The following HMCN1 variants were observed in gnomAD, a reference collection of about 807,000 sequenced individuals.
HMCN1 encodes the protein hemicentin-1.
Under a neutral mutation model 625.9 loss-of-function variants are expected in HMCN1, and 321 were observed. The ratio of observed to expected loss-of-function variants is 0.51; its 90% confidence interval spans 0.47 to 0.56. HMCN1 has a LOEUF of 0.56. Among genes scored for constraint, HMCN1 ranks in the 20% least tolerant of loss-of-function variants. The pLI is 0.00. For synonymous variants in HMCN1, 2,425 were observed against 2,417.6 expected, an observed-to-expected ratio of 1.00 and a Z score of -0.09; for missense variants, 6,588 against 6,887.3, an observed-to-expected ratio of 0.96 and a Z score of 1.54.
Position 186,070,647 on chromosome 1 carries a change from C to T in HMCN1, c.8029C>T (p.Pro2677Ser), listed in dbSNP as rs766403122. The change falls in exon 52 of 107, where the codon CCA (proline) becomes TCA (serine). Residue 2677 changes from proline (P) to serine (S), a missense_variant. By Grantham distance (74) the Pro-to-Ser change is moderately conservative (BLOSUM62 -1). This residue lies in a region of HMCN1 where 4,628 missense variants were observed against 4,853.1 expected (regional missense o/e 0.95). Coordinates refer to ENST00000271588, the MANE Select transcript of HMCN1 (RefSeq NM_031935.3). ...PIINKGDLWG[P>S]GLSPKEVKIK... ...AATCAATAAAGGGGACCTTTGGGGG[C>T]CAGGTCTTTCCCCTAAAGAAGTGAA... is the stretch of plus-strand genomic sequence containing the variant. The T allele has an allele frequency of 4.3e-6, 7 of 1,612,566 alleles. No homozygotes were observed. The East Asian group carries it at 1.6e-4, about 36-fold the overall frequency.
At chr1:185,791,968 G>T (rs988818859) in intron 1 of HMCN1, among the ~76,000 whole-genome samples, 1 of 152,120 alleles carries the variant, frequency 6.6e-6, no homozygotes. Context: ...TGGGTAGATG[G>T]ATTAATTTAA....
chr1:186,132,696 G>A (rs1025061661), intron 86 of HMCN1, among the ~76,000 whole-genome samples: 4 of 151,428 alleles, frequency 2.6e-5, no homozygotes, highest in African/African-American at 4.9e-5. Context: ...TGTGCACAAC[G>A]TGCAGGTTAG....
At chr1:186,098,986 T>C (rs1660269257) in intron 68 of HMCN1, among the ~76,000 whole-genome samples, 1 of 151,960 alleles carries the variant, frequency 6.6e-6, no homozygotes, top group African/African-American at 2.4e-5. Flanking sequence ...CTCATAGAAG[T>C]AGTGAATAGG....
intron 4 of HMCN1, among the ~76,000 whole-genome samples, chr1:185,880,980 C>G (rs1018814014): frequency 1.3e-5 from 2 of 152,220 alleles, no homozygotes; most frequent in African/African-American, 4.8e-5. Flanking sequence ...TTTTGGGCAC[C>G]AGCAGGAGCA....
At chr1:185,833,876 C>T (rs1372280590) in intron 1 of HMCN1, among the ~76,000 whole-genome samples, 1 of 152,092 alleles carries the variant, frequency 6.6e-6, no homozygotes, top group Admixed American at 6.6e-5. Context: ...ATGTTAGCCT[C>T]TTCTAAAGTT....
chr1:185,823,557 G>A (rs1407764934), intron 1 of HMCN1, among the ~76,000 whole-genome samples: 1 of 152,112 alleles, frequency 6.6e-6, no homozygotes. Flanking sequence ...TGACAAAGAT[G>A]CTTATTTTCA....
At chr1:185,856,964 C>T (rs1425464476) in intron 2 of HMCN1, among the ~76,000 whole-genome samples, 1 of 152,072 alleles carries the variant, frequency 6.6e-6, no homozygotes, top group African/African-American at 2.4e-5. Context: ...TTTTCCAACT[C>T]CTCTCACAGT....
Position 185,864,436 on chromosome 1 carries a change from A to G in HMCN1, c.340-34A>G, listed in dbSNP as rs199987547. 1.9e-6 allele frequency: 3 copies of G among 1,605,406 alleles called. No individual in the cohort carries two copies. The East Asian group carries it at 6.7e-5, about 36-fold the overall frequency. On this transcript the variant is annotated intron_variant, in intron 2 of 106. Coordinates refer to ENST00000271588, the MANE Select transcript of HMCN1 (RefSeq NM_031935.3). ...CCAAAATATTCAATTGTTTTTGATG[A>G]TGACGTAATTGAATTTTTCTCTCCA...
intron 16 of HMCN1, 38 bp from the exon 17 acceptor site, chr1:185,980,940 A>G (rs749306190): frequency 1.9e-5 from 22 of 1,173,378 alleles, no homozygotes; most frequent in Middle Eastern, 3.8e-4. Context: ...AATTCTCCAT[A>G]GATGGTATTG....
intron 15 of HMCN1, among the ~76,000 whole-genome samples, chr1:185,975,737 A>C (rs1446570960): frequency 1.3e-5 from 2 of 152,192 alleles, no homozygotes; most frequent in East Asian, 3.8e-4. Flanking sequence ...ACACTGATAC[A>C]CGATTTATTT....
chr1:186,159,227 C>G (rs535442335), intron 97 of HMCN1, among the ~76,000 whole-genome samples: 60 of 151,782 alleles, frequency 4.0e-4, no homozygotes, highest in African/African-American at 1.3e-3. Flanking sequence ...ATTTGGCTCT[C>G]TGTCTGTTAT....
intron 21 of HMCN1, 146 bp downstream of exon 21, chr1:185,989,793 T>TA (rs1553270509): frequency 3.9e-5 from 28 of 715,950 alleles, no homozygotes; most frequent in Non-Finnish European, 6.2e-5. Context: ...TTTTTTTTTT[T>TA]ACAGAAATGC....
chr1:185,795,955 A>T (rs543954473), intron 1 of HMCN1, among the ~76,000 whole-genome samples: 1 of 152,202 alleles, frequency 6.6e-6, no homozygotes, highest in African/African-American at 2.4e-5. Flanking sequence ...TTATTTTTTT[A>T]ATTTTATTTT....
intron 1 of HMCN1, among the ~76,000 whole-genome samples, chr1:185,806,443 A>C (rs1464530952): frequency 2.0e-5 from 3 of 150,650 alleles, no homozygotes. Flanking sequence ...GCTACTCAGG[A>C]GGCTGAGGTA....
rs978248177 is a variant in HMCN1, at chr1:185,891,823, C to T, written c.622-17514C>T. On this transcript the variant is annotated intron_variant, in intron 4 of 106. Transcript: ENST00000271588. ...CTCTTCTCGAGGAGTATCTTTGTGG[C>T]GTTCTCTCTATTTCCTGAATCTGAA... Among the ~76,000 whole-genome samples, 9 of 147,572 alleles carry T rather than the reference C, an allele frequency of 6.1e-5. 1 individual carries two copies. Among genetic ancestry groups the T allele is most frequent in the Non-Finnish European group, 1.0e-4 (7 of 68,006 alleles).
intron 2 of HMCN1, among the ~76,000 whole-genome samples, chr1:185,855,245 C>T (rs1219214645): frequency 1.3e-5 from 2 of 152,120 alleles, no homozygotes; most frequent in Non-Finnish European, 2.9e-5. Flanking sequence ...CCATTCCAAC[C>T]AGGGCAATGG....
Position 185,843,822 on chromosome 1 carries a change from C to T in HMCN1, c.269-2204C>T, listed in dbSNP as rs564736485. 5.3e-5 allele frequency among the ~76,000 whole-genome samples: 8 copies of T among 152,172 alleles called. No homozygotes were observed. The South Asian group carries it at 1.7e-3, about 32-fold the overall frequency. On this transcript the variant is annotated intron_variant, in intron 1 of 106. Coordinates refer to ENST00000271588, the MANE Select transcript of HMCN1 (RefSeq NM_031935.3). ...TATTAATGAGCTTTAAGAAAGATTT[C>T]CTATCTTTGTTGAAAACAGGTGTAT...
chr1:186,092,990 A>G, intron 64 of HMCN1, 144 bp from the exon 65 acceptor site: 1 of 960,054 alleles, frequency 1.0e-6, no homozygotes, highest in Non-Finnish European at 1.7e-6. Context: ...AGGAGGTGGT[A>G]GATATGAGAC....
chr1:185,987,750 A>G (rs1276688177), intron 20 of HMCN1, among the ~76,000 whole-genome samples: 1 of 152,140 alleles, frequency 6.6e-6, no homozygotes, highest in Admixed American at 6.5e-5. Context: ...TCGGAGGGAC[A>G]GGAAGTTGGG....
Sources: gnomAD v4.1 joint callset for allele counts (sites outside exome capture counted in the v4.1 genomes callset) on GRCh38, gnomAD v4.1.1 for gene constraint, gnomAD v4.1.1 regional missense constraint, MANE v1.5 for transcripts, NCBI Gene and HGNC (gene_info 2026-07-23, HGNC 2026-07-21) for gene names.